The following NDUFV2 variants were observed in gnomAD, a reference collection of about 807,000 sequenced individuals.
NDUFV2 encodes NADH:ubiquinone oxidoreductase core subunit V2.
Under a neutral mutation model 31.6 loss-of-function variants are expected in NDUFV2, and 18 were observed. The ratio of observed to expected loss-of-function variants is 0.57; its 90% confidence interval spans 0.39 to 0.84. The LOEUF is 0.84. Among genes scored for constraint, NDUFV2 ranks in the 40% least tolerant of loss-of-function variants. The pLI is 0.00. For synonymous variants in NDUFV2, 83 were observed against 99.8 expected, an observed-to-expected ratio of 0.83 and a Z score of 1.01; for missense variants, 314 against 303.6, an observed-to-expected ratio of 1.03 and a Z score of -0.26.
At chr18:9,106,605 A>G (rs1342040078) in intron 1 of NDUFV2, among the ~76,000 whole-genome samples, 3 of 152,196 alleles carry the variant, frequency 2.0e-5, no homozygotes, top group African/African-American at 4.8e-5. Context: ...AAAGGACTCT[A>G]AAGAAGTTAA....
At chr18:9,111,179 C>T (rs558490282) in intron 1 of NDUFV2, among the ~76,000 whole-genome samples, 1 of 152,316 alleles carries the variant, frequency 6.6e-6, no homozygotes, top group African/African-American at 2.4e-5. Context: ...TTGTAATCAT[C>T]TGGCCCTAGG....
At chr18:9,104,090 A>G (rs998184942) in intron 1 of NDUFV2, 16 of 1,572,616 alleles carry the variant, frequency 1.0e-5, no homozygotes, top group East Asian at 6.8e-5. Flanking sequence ...TTCAAGGTGC[A>G]TAAGATTTTT....
At chr18:9,116,842 GGTTA>G (rs1407118413) in intron 1 of NDUFV2, among the ~76,000 whole-genome samples, 13 of 152,118 alleles carry the variant, frequency 8.5e-5, no homozygotes, top group Admixed American at 6.6e-4. Context: ...TGCCGTCTGT[GGTTA>G]GTAGAACTCA....
At chr18:9,131,753 ATGAC>A (rs199957512) in intron 7 of NDUFV2, among the ~76,000 whole-genome samples, 2,923 of 152,350 alleles carry the variant, frequency 0.019, 44 homozygotes, top group Middle Eastern at 0.048. Flanking sequence ...TAGTGTTGGA[ATGAC>A]TGACGAACCA....
intron 7 of NDUFV2, among the ~76,000 whole-genome samples, chr18:9,133,877 A>G (rs2078061709): frequency 6.6e-6 from 1 of 152,260 alleles, no homozygotes; most frequent in Admixed American, 6.5e-5. Flanking sequence ...AAATAAAGCC[A>G]GTATCACTTG....
At chr18:9,126,026 G>T (rs564139008) in intron 6 of NDUFV2, among the ~76,000 whole-genome samples, 84 of 152,278 alleles carry the variant, frequency 5.5e-4, no homozygotes, top group African/African-American at 1.6e-3. Context: ...AGCAAAGTTT[G>T]CTTGATGTTC....
At chr18:9,117,940 C>T (rs2144739952) in intron 2 of NDUFV2, 37 bp downstream of exon 2, 6 of 1,400,528 alleles carry the variant, frequency 4.3e-6, no homozygotes, top group Non-Finnish European at 6.1e-6. Context: ...AAAGAAAAGA[C>T]TTGGAAATTG....
At chr18:9,129,327 ACAAATTGATACCTG>A (rs1354007537) in intron 7 of NDUFV2, among the ~76,000 whole-genome samples, 1 of 152,150 alleles carries the variant, frequency 6.6e-6, no homozygotes, top group African/African-American at 2.4e-5. Context: ...CTCCTGCCAC[ACAAATTGATACCTG>A]CTTTGTCTAC....
intron 7 of NDUFV2, among the ~76,000 whole-genome samples, chr18:9,130,712 A>G (rs2078032777): frequency 6.6e-6 from 1 of 152,198 alleles, no homozygotes; most frequent in African/African-American, 2.4e-5. Flanking sequence ...TATTTTAATA[A>G]TAAATATCTC....
chr18:9,113,326 A>T (rs778325041), intron 1 of NDUFV2, among the ~76,000 whole-genome samples: 1 of 152,204 alleles, frequency 6.6e-6, no homozygotes, highest in Non-Finnish European at 1.5e-5. Context: ...AGATATTTTG[A>T]TAGAAAAAGC....
chr18:9,126,782 A>G (rs750616119), intron 6 of NDUFV2, 49 bp from the exon 7 acceptor site: 1 of 1,472,648 alleles, frequency 6.8e-7, no homozygotes, highest in Admixed American at 1.7e-5. Flanking sequence ...AAATATATCG[A>G]TATAAAAGAA....
intron 7 of NDUFV2, among the ~76,000 whole-genome samples, chr18:9,133,089 G>A (rs1167740793): frequency 6.6e-6 from 1 of 152,074 alleles, no homozygotes; most frequent in Non-Finnish European, 1.5e-5. Flanking sequence ...TTAGTAACTT[G>A]TATTATATGC....
intron 6 of NDUFV2, among the ~76,000 whole-genome samples, chr18:9,125,654 C>G (rs1362132425): frequency 2.6e-5 from 4 of 151,954 alleles, no homozygotes; most frequent in African/African-American, 9.7e-5. Flanking sequence ...GCTTGCTACC[C>G]TAATTATATC....
At chr18:9,118,882 C>A (rs929977183) in intron 2 of NDUFV2, among the ~76,000 whole-genome samples, 1 of 129,676 alleles carries the variant, frequency 7.7e-6, no homozygotes, top group Non-Finnish European at 1.6e-5. Context: ...TGGGTCTTAA[C>A]CCTTTTGGAT....
chr18:9,117,939 A>G, intron 2 of NDUFV2, 36 bp downstream of exon 2: 1 of 1,420,112 alleles, frequency 7.0e-7, no homozygotes, highest in Non-Finnish European at 1.0e-6. Flanking sequence ...GAAAGAAAAG[A>G]CTTGGAAATT....
chr18:9,114,159 C>T (rs1358582104), intron 1 of NDUFV2, among the ~76,000 whole-genome samples: 1 of 152,230 alleles, frequency 6.6e-6, no homozygotes, highest in Non-Finnish European at 1.5e-5. Flanking sequence ...CCATGGAAAT[C>T]TTTCTACCAG....
intron 2 of NDUFV2, among the ~76,000 whole-genome samples, chr18:9,118,728 T>G (rs909120298): frequency 4.6e-5 from 7 of 152,016 alleles, no homozygotes; most frequent in African/African-American, 1.2e-4. Context: ...TGTCAGTTTT[T>G]GAAGAGGGCC....
At chr18:9,126,174 G>A (rs2077988950) in intron 6 of NDUFV2, among the ~76,000 whole-genome samples, 1 of 152,204 alleles carries the variant, frequency 6.6e-6, no homozygotes, top group Admixed American at 6.5e-5. Flanking sequence ...GGGTTTGTTT[G>A]AGATAGGTAT....
Position 9,134,177 on chromosome 18 carries a change from T to C in NDUFV2, c.657-9T>C, listed in dbSNP as rs1367397112. On this transcript the variant is annotated splice_polypyrimidine_tract_variant and intron_variant, in intron 7 of 7. Transcript: ENST00000318388. ...ATCATTAATAGTTTAATATTACTTT[T>C]CATTTCAGGAGTGGACGCTTCTCTT... 1.2e-6 allele frequency: 2 copies of C among 1,607,298 alleles called. No homozygotes were observed. The highest frequency in any genetic ancestry group is 1.7e-6 in the Non-Finnish European group (2 of 1,174,046).
Sources: allele counts gnomAD v4.1 joint callset (sites outside exome capture counted in the v4.1 genomes callset), GRCh38; gene constraint gnomAD v4.1.1; transcripts MANE v1.5; gene names NCBI Gene and HGNC (gene_info 2026-07-23, HGNC 2026-07-21).